The following VWDE variants were observed in gnomAD, a reference collection of about 807,000 sequenced individuals.
VWDE encodes von Willebrand factor D and EGF domain-containing protein.
In VWDE, 207 loss-of-function variants were observed where a neutral mutation model predicts 178.4. The observed-to-expected ratio is 1.16, with a 90% CI of 1.04 to 1.30. VWDE has a LOEUF of 1.30. VWDE is among the 50% of genes most tolerant of loss of function. The pLI is 0.00. For missense variants in VWDE, 2,287 were observed against 1,901.3 expected, an observed-to-expected ratio of 1.20 and a Z score of -3.77; for synonymous variants, 738 against 651.4, an observed-to-expected ratio of 1.13 and a Z score of -2.02.
intron 3 of VWDE, among the ~76,000 whole-genome samples, chr7:12,384,633 G>A (rs973235774): frequency 6.6e-6 from 1 of 152,062 alleles, no homozygotes; most frequent in African/African-American, 2.4e-5. Flanking sequence ...TATAATAATA[G>A]TGAAACACAC....
At chr7:12,380,196 G>C (rs945263126) in intron 5 of VWDE, among the ~76,000 whole-genome samples, 3 of 151,288 alleles carry the variant, frequency 2.0e-5, no homozygotes, top group Non-Finnish European at 2.9e-5. Context: ...TAAAACCTGA[G>C]AGGGACATAT....
At chr7:12,399,058 AT>A (rs1236780956) in intron 1 of VWDE, among the ~76,000 whole-genome samples, 5 of 151,968 alleles carry the variant, frequency 3.3e-5, no homozygotes, top group Non-Finnish European at 7.4e-5. Context: ...AAAAGTTGAG[AT>A]TTTTTTTAAA....
intron 16 of VWDE, among the ~76,000 whole-genome samples, chr7:12,357,887 C>G (rs192231979): frequency 4.5e-4 from 69 of 152,216 alleles, no homozygotes; most frequent in African/African-American, 1.6e-3. Flanking sequence ...CACTCTGTTT[C>G]TTTAAGCCTC....
At chr7:12,347,641 A>G (rs1781678608) in intron 19 of VWDE, among the ~76,000 whole-genome samples, 1 of 152,158 alleles carries the variant, frequency 6.6e-6, no homozygotes. Context: ...GAAAATGGCC[A>G]TACTGCCCAA....
intron 5 of VWDE, 52 bp from the exon 6 acceptor site, chr7:12,379,618 C>T (rs1046296422): frequency 1.8e-5 from 23 of 1,311,894 alleles, no homozygotes; most frequent in Middle Eastern, 5.1e-4. Context: ...TTGGAGAAAA[C>T]GTGTAAATTA....
intron 19 of VWDE, among the ~76,000 whole-genome samples, chr7:12,350,541 G>C (rs1781871453): frequency 6.6e-6 from 1 of 152,064 alleles, no homozygotes; most frequent in African/African-American, 2.4e-5. Flanking sequence ...TGATATCATA[G>C]TGAAACATGA....
chr7:12,388,448 C>T (rs1784211710), intron 3 of VWDE, among the ~76,000 whole-genome samples: 1 of 151,968 alleles, frequency 6.6e-6, no homozygotes, highest in South Asian at 2.1e-4. Flanking sequence ...AGCCAACAAC[C>T]AAAATGAGGG....
At position 12,342,986 on chromosome 7, in the gene VWDE, T is replaced by C. The variant is rs915096032; in HGVS notation, c.4174+97A>G. ...CAAGAACTATCACAATGTGTGTTCTTTACGTAGAGTTTGGGTTCATTTCAC... is the reference window on the plus strand; with the variant it reads ...CAAGAACTATCACAATGTGTGTTCTCTACGTAGAGTTTGGGTTCATTTCAC... On this transcript the variant is annotated intron_variant, in intron 22 of 28. Transcript: ENST00000275358. The C allele has an allele frequency of 2.3e-5, 19 of 839,422 alleles. No homozygotes were observed. In the African/African-American group the frequency reaches 3.3e-4, roughly 15 times the overall value. 52.0% of individuals were successfully genotyped at this position (839,422 alleles called of 1,614,324 possible). A position where few individuals can be genotyped will look rare whatever the true frequency, so the allele number is the denominator to read the frequency against.
Position 12,362,224 on chromosome 7 carries a change from C to CACAA in VWDE, c.2899-704_2899-703insTTGT, listed in dbSNP as rs1320506194. Among the ~76,000 whole-genome samples the CACAA allele has an allele frequency of 6.7e-5, 10 of 148,876 alleles. No homozygotes were observed. The Admixed American group carries it at 6.8e-4, about 10-fold the overall frequency. ...AAAGCCAAATTGAGACAAACATACA[C>CACAA]ACACACACACACACACACACATAAA... On this transcript the variant is annotated intron_variant, in intron 13 of 28. Transcript: ENST00000275358.
chr7:12,377,142 C>T (rs1165340648), intron 7 of VWDE, among the ~76,000 whole-genome samples: 3 of 152,060 alleles, frequency 2.0e-5, no homozygotes, highest in Non-Finnish European at 4.4e-5. Flanking sequence ...ATAATCAAGC[C>T]AATCACTGCT....
At chr7:12,381,170 T>G (rs1300363120) in intron 4 of VWDE, among the ~76,000 whole-genome samples, 3 of 152,212 alleles carry the variant, frequency 2.0e-5, no homozygotes, top group Non-Finnish European at 4.4e-5. Flanking sequence ...ACTCAACTTA[T>G]CATTACTCTG....
At chr7:12,338,564 C>T (rs1426746607) in intron 24 of VWDE, among the ~76,000 whole-genome samples, 3 of 151,982 alleles carry the variant, frequency 2.0e-5, no homozygotes, top group African/African-American at 7.2e-5. Context: ...TACAAAAAAG[C>T]ATACATACTT....
At chr7:12,339,378 T>C (rs879447208) in intron 24 of VWDE, among the ~76,000 whole-genome samples, 1 of 152,160 alleles carries the variant, frequency 6.6e-6, no homozygotes, top group Non-Finnish European at 1.5e-5. Flanking sequence ...TATATAACTC[T>C]TTAGCATGGA....
Position 12,379,468 on chromosome 7 carries a change from G to A in VWDE, c.879+9C>T. The A allele has an allele frequency of 2.6e-6, 4 of 1,539,124 alleles. No individual in the cohort carries two copies. In the South Asian group the frequency reaches 4.8e-5, roughly 18 times the overall value. On this transcript the variant is annotated intron_variant, in intron 6 of 28. Coordinates refer to ENST00000275358, the MANE Select transcript of VWDE (RefSeq NM_001135924.3). Reference sequence around the variant, plus strand: ...ATAATCTTTCTGATGCATCCCCACTGCTGCGTACCTTAAAGCCTGCAAAAA... The same window carrying A: ...ATAATCTTTCTGATGCATCCCCACTACTGCGTACCTTAAAGCCTGCAAAAA...
intron 8 of VWDE, 49 bp downstream of exon 8, chr7:12,374,961 A>G (rs1783434608): frequency 2.0e-6 from 3 of 1,500,780 alleles, no homozygotes; most frequent in African/African-American, 1.4e-5. Flanking sequence ...TAAAATACAC[A>G]TTTCTTCTTA....
chr7:12,354,948 T>G (rs1234151427), intron 18 of VWDE, among the ~76,000 whole-genome samples: 1 of 152,200 alleles, frequency 6.6e-6, no homozygotes, highest in Non-Finnish European at 1.5e-5. Flanking sequence ...AGTTTTTGAG[T>G]TGATGTGGTG....
chr7:12,343,462 C>A (rs182606415), intron 21 of VWDE, among the ~76,000 whole-genome samples: 1 of 152,144 alleles, frequency 6.6e-6, no homozygotes, highest in Admixed American at 6.6e-5. Flanking sequence ...TTACTTATTC[C>A]TGCCTTACAA....
chr7:12,380,156 CA>C (rs2128558364), intron 5 of VWDE, among the ~76,000 whole-genome samples: 1 of 150,806 alleles, frequency 6.6e-6, no homozygotes, highest in African/African-American at 2.4e-5. Flanking sequence ...AAAATTAAAA[CA>C]TTTTTTCTAG....
In VWDE at chr7:12,361,364, A is replaced by G; in HGVS notation, c.3054+2T>C. Reference sequence around the variant, plus strand: ...ATATGAAGATGTCTTTTTATTTTTTACCTTCAACTGCCACTTCCCAGTTGG... The same window carrying G: ...ATATGAAGATGTCTTTTTATTTTTTGCCTTCAACTGCCACTTCCCAGTTGG... On this transcript the variant is annotated splice_donor_variant, in intron 14 of 28. Transcript: ENST00000275358. LOFTEE classifies it high-confidence loss of function. 1 of 1,545,474 alleles carries G rather than the reference A, an allele frequency of 6.5e-7. No homozygotes were observed. Among genetic ancestry groups the G allele is most frequent in the African/African-American group, 1.4e-5 (1 of 72,618 alleles).
Sources: gnomAD v4.1 joint callset for allele counts (sites outside exome capture counted in the v4.1 genomes callset) on GRCh38, gnomAD v4.1.1 for gene constraint, MANE v1.5 for transcripts, NCBI Gene and HGNC (gene_info 2026-07-23, HGNC 2026-07-21) for gene names.